Variants in TMED10 observed in about 807,000 individuals in gnomAD.
TMED10 encodes transmembrane p24 trafficking protein 10.
A neutral mutation model predicts 23.1 loss-of-function variants in TMED10; 7 were observed. That is an observed-to-expected ratio of 0.30 (90% CI 0.17 to 0.57). TMED10 has a LOEUF of 0.57. Ranked by LOEUF, TMED10 falls within the 20% of genes least tolerant of loss-of-function variation. TMED10 has a pLI of 0.91. For synonymous variants in TMED10, 113 were observed against 106.9 expected (o/e 1.06, Z -0.35); for missense variants, 162 against 274.8 (o/e 0.59, Z 2.90).
At chr14:75,173,640 T>C (rs1001695571) in intron 1 of TMED10, among the ~76,000 whole-genome samples, 1 of 152,200 alleles carries the variant, frequency 6.6e-6, no homozygotes, top group Non-Finnish European at 1.5e-5. Context: ...AGCTGGTTAG[T>C]AGCAAAAGAA....
At chr14:75,159,855 C>T (rs1287134941) in intron 1 of TMED10, among the ~76,000 whole-genome samples, 1 of 152,182 alleles carries the variant, frequency 6.6e-6, no homozygotes, top group Non-Finnish European at 1.5e-5. Context: ...TGTCTCTTCT[C>T]TCTATGACAT....
intron 1 of TMED10, among the ~76,000 whole-genome samples, chr14:75,162,670 A>G (rs1179633048): frequency 1.1e-4 from 17 of 152,230 alleles, no homozygotes; most frequent in Admixed American, 1.1e-3. Context: ...AAAAAAGGAA[A>G]GAAAAGAATA....
At chr14:75,154,388 C>T (rs376739620) in intron 1 of TMED10, among the ~76,000 whole-genome samples, 9 of 69,520 alleles carry the variant, frequency 1.3e-4, no homozygotes, top group East Asian at 6.5e-4. Context: ...GGCAACACAG[C>T]GAGACTCTGT....
intron 3 of TMED10, among the ~76,000 whole-genome samples, chr14:75,146,496 T>A (rs1034978896): frequency 1.3e-5 from 2 of 152,210 alleles, no homozygotes; most frequent in African/African-American, 4.8e-5. Flanking sequence ...TTCATGCCCT[T>A]ACGTACTGTT....
intron 3 of TMED10, among the ~76,000 whole-genome samples, chr14:75,144,128 G>A (rs774069484): frequency 1.8e-4 from 27 of 152,156 alleles, no homozygotes; most frequent in Admixed American, 7.2e-4. Flanking sequence ...TATTTTACTC[G>A]TGGGACACAC....
At chr14:75,142,161 A>G (rs1457063730) in intron 3 of TMED10, among the ~76,000 whole-genome samples, 1 of 152,228 alleles carries the variant, frequency 6.6e-6, no homozygotes, top group Non-Finnish European at 1.5e-5. Context: ...TGTTTTGCCA[A>G]GTCTGTAAGA....
chr14:75,150,767 G>A (rs1183116942), intron 2 of TMED10, among the ~76,000 whole-genome samples: 1 of 152,162 alleles, frequency 6.6e-6, no homozygotes, highest in Non-Finnish European at 1.5e-5. Context: ...TCTCAGAATG[G>A]TCGAGTCCAG....
intron 2 of TMED10, among the ~76,000 whole-genome samples, chr14:75,151,269 G>A (rs992454025): frequency 4.0e-5 from 6 of 151,846 alleles, no homozygotes; most frequent in Non-Finnish European, 1.5e-5. Context: ...CACCCAGGCT[G>A]GAGTGCAGTG....
intron 1 of TMED10, among the ~76,000 whole-genome samples, chr14:75,172,905 T>A (rs949983976): frequency 2.0e-5 from 3 of 152,104 alleles, no homozygotes; most frequent in African/African-American, 7.2e-5. Context: ...TTTTTTTTTT[T>A]AATTTTTAGG....
chr14:75,161,358 GA>G (rs763585124), intron 1 of TMED10, among the ~76,000 whole-genome samples: 102 of 152,150 alleles, frequency 6.7e-4, no homozygotes, highest in Admixed American at 7.2e-4. Context: ...CCTGAGGGAA[GA>G]AAAAAGTCTT....
rs1895967755 is a variant in TMED10 at position 75,152,537 on chromosome 14, A to G, written c.226-394T>C. On this transcript the variant is annotated intron_variant, in intron 1 of 4. Transcript: ENST00000303575. The stretch of plus-strand genomic sequence containing the variant: ...TCAAAAGATTATACAAGAGGGACAA[A>G]GATATATAAAAACACATTTATTCTA... 2.0e-5 allele frequency among the ~76,000 whole-genome samples: 3 copies of G among 152,248 alleles called. No homozygotes were observed. The South Asian group carries it at 6.2e-4, about 31-fold the overall frequency.
chr14:75,168,539 C>A (rs1236488347), intron 1 of TMED10, among the ~76,000 whole-genome samples: 1 of 152,166 alleles, frequency 6.6e-6, no homozygotes, highest in African/African-American at 2.4e-5. Context: ...GGGCCCTGCA[C>A]AATAAAAACC....
At chr14:75,146,498 C>T (rs139789417) in intron 3 of TMED10, among the ~76,000 whole-genome samples, 1 of 152,148 alleles carries the variant, frequency 6.6e-6, no homozygotes, top group African/African-American at 2.4e-5. Context: ...CATGCCCTTA[C>T]GTACTGTTTT....
chr14:75,153,777 C>CTTTTTTTTTTTT (rs59328978), intron 1 of TMED10, among the ~76,000 whole-genome samples: 3 of 131,782 alleles, frequency 2.3e-5, no homozygotes, highest in Non-Finnish European at 3.2e-5. Context: ...TTTTTTTTCC[C>CTTTTTTTTTTTT]TTTTTTTTTT....
In TMED10 at chr14:75,148,142, G is replaced by A. The variant is rs957727523; in HGVS notation, c.338-405C>T. ...TCAAGAGATAGTAGGCAACAACTTC[G>A]GCTGAAAATGTGTATTTCCACATCT... On this transcript the variant is annotated intron_variant, in intron 2 of 4. Coordinates refer to ENST00000303575, the MANE Select transcript of TMED10 (RefSeq NM_006827.6). Among the ~76,000 whole-genome samples, 16 of 152,142 alleles carry A rather than the reference G, an allele frequency of 1.1e-4. 1 individual carries two copies. The South Asian group carries it at 3.1e-3, about 30-fold the overall frequency.
chr14:75,168,673 G>C (rs1478566237), intron 1 of TMED10, among the ~76,000 whole-genome samples: 5 of 152,148 alleles, frequency 3.3e-5, no homozygotes, highest in Non-Finnish European at 7.3e-5. Flanking sequence ...TTAAATGGTG[G>C]AGCTGCTGGG....
At chr14:75,163,294 T>C (rs142530110) in intron 1 of TMED10, among the ~76,000 whole-genome samples, 3,193 of 151,952 alleles carry the variant, frequency 0.021, 72 homozygotes, top group African/African-American at 0.05. Context: ...GGCTCACGCC[T>C]GTAATCCCAG....
intron 2 of TMED10, 97 bp downstream of exon 2, chr14:75,151,931 TAAAG>T: frequency 9.6e-7 from 1 of 1,041,984 alleles, no homozygotes; most frequent in Non-Finnish European, 1.4e-6. Flanking sequence ...TCAGAATAAA[TAAAG>T]AATACAAATG....
intron 3 of TMED10, among the ~76,000 whole-genome samples, chr14:75,145,222 A>G (rs1895868516): frequency 2.0e-5 from 3 of 152,222 alleles, no homozygotes; most frequent in African/African-American, 4.8e-5. Flanking sequence ...CGTCTGAAGC[A>G]GGAAGCAGGC....
Sources: allele counts gnomAD v4.1 joint callset (sites outside exome capture counted in the v4.1 genomes callset), GRCh38; gene constraint gnomAD v4.1.1; transcripts MANE v1.5; gene names NCBI Gene and HGNC (gene_info 2026-07-23, HGNC 2026-07-21).